THEMIS: variants seen among roughly 807,000 people sequenced by gnomAD.
The protein encoded by THEMIS is thymocyte selection associated.
A neutral mutation model predicts 52.6 loss-of-function variants in THEMIS; 37 were observed. The observed-to-expected ratio is 0.70, with a 90% CI of 0.54 to 0.93. The LOEUF (loss-of-function observed/expected upper bound fraction) is 0.93, where lower values mean the gene tolerates loss of function less well. Among genes scored for constraint, THEMIS ranks in the 40% least tolerant of loss-of-function variants. The pLI is 0.00. For synonymous variants in THEMIS, 292 were observed against 272.7 expected, an observed-to-expected ratio of 1.07 and a Z score of -0.70; for missense variants, 808 against 763.1, an observed-to-expected ratio of 1.06 and a Z score of -0.69.
At chr6:127,774,475 G>C (rs909661405) in intron 4 of THEMIS, among the ~76,000 whole-genome samples, 4 of 152,228 alleles carry the variant, frequency 2.6e-5, no homozygotes, top group African/African-American at 9.6e-5. Context: ...AAAGTGCTGG[G>C]ATTACAGGCG....
chr6:127,853,599 C>T lies in THEMIS; in HGVS notation c.250+1431G>A, dbSNP rs902178134. ...TGAAAAAATCCTCACTTCAATATAG[C>T]TAATATATTTTCATTCTTCCAACCT... On this transcript the variant is annotated intron_variant, in intron 2 of 5. Transcript: ENST00000368248. Among the ~76,000 whole-genome samples the T allele has an allele frequency of 2.0e-5, 3 of 151,690 alleles. No individual in the cohort carries two copies. The East Asian group carries it at 5.8e-4, about 30-fold the overall frequency.
chr6:127,803,800 G>A (rs183039526), intron 4 of THEMIS, among the ~76,000 whole-genome samples: 19 of 152,246 alleles, frequency 1.2e-4, no homozygotes, highest in African/African-American at 4.1e-4. Flanking sequence ...ATAGCATGTC[G>A]GTAGGAAGGC....
intron 1 of THEMIS, among the ~76,000 whole-genome samples, chr6:127,887,953 A>G (rs1780695275): frequency 6.6e-6 from 1 of 152,126 alleles, no homozygotes; most frequent in South Asian, 2.1e-4. Context: ...GTACAGAGGA[A>G]AATGAAGACC....
In THEMIS at chr6:127,853,041, C is replaced by T. The variant is rs1281930563; in HGVS notation, c.250+1989G>A. Among the ~76,000 whole-genome samples, 6 of 151,514 alleles carry T rather than the reference C, an allele frequency of 4.0e-5. No homozygotes were observed. In the East Asian group the frequency reaches 1.2e-3, roughly 29 times the overall value. ...ATTCTAATAAGAAAAATTCCTTCTACCAAAGATTCTAGTCATTTTAACTTA... is the reference window on the plus strand; with the variant it reads ...ATTCTAATAAGAAAAATTCCTTCTATCAAAGATTCTAGTCATTTTAACTTA... On this transcript the variant is annotated intron_variant, in intron 2 of 5. Transcript: ENST00000368248.
intron 4 of THEMIS, among the ~76,000 whole-genome samples, chr6:127,734,053 A>G (rs953053505): frequency 1.3e-5 from 2 of 152,214 alleles, no homozygotes; most frequent in Non-Finnish European, 2.9e-5. Context: ...AATCTGCAAC[A>G]TTCATGCTGT....
At chr6:127,766,492 C>T (rs1776203918) in intron 4 of THEMIS, among the ~76,000 whole-genome samples, 1 of 152,006 alleles carries the variant, frequency 6.6e-6, no homozygotes, top group African/African-American at 2.4e-5. Context: ...TCACTTAAGT[C>T]ACACATCACT....
chr6:127,740,960 C>T (rs1325103826), intron 4 of THEMIS, among the ~76,000 whole-genome samples: 1 of 152,168 alleles, frequency 6.6e-6, no homozygotes, highest in Admixed American at 6.6e-5. Flanking sequence ...CTCTTACCCT[C>T]CATCATACAC....
At chr6:127,882,771 G>T (rs1780525045) in intron 1 of THEMIS, among the ~76,000 whole-genome samples, 1 of 151,840 alleles carries the variant, frequency 6.6e-6, no homozygotes, top group Admixed American at 6.6e-5. Context: ...TTTAAAACCT[G>T]TGAAATATGA....
intron 4 of THEMIS, among the ~76,000 whole-genome samples, chr6:127,782,197 C>T (rs1776768048): frequency 6.6e-6 from 1 of 152,122 alleles, no homozygotes; most frequent in South Asian, 2.1e-4. Context: ...GTGCTGGTAG[C>T]GAGAATTTCA....
chr6:127,756,473 CA>C (rs1445286497), intron 4 of THEMIS, among the ~76,000 whole-genome samples: 1 of 152,088 alleles, frequency 6.6e-6, no homozygotes, highest in African/African-American at 2.4e-5. Context: ...TGAAAACGAT[CA>C]ATGTAAAAAA....
intron 1 of THEMIS, among the ~76,000 whole-genome samples, chr6:127,861,459 A>C (rs1779792896): frequency 6.6e-6 from 1 of 152,044 alleles, no homozygotes; most frequent in Non-Finnish European, 1.5e-5. Flanking sequence ...ACACTCCATT[A>C]GCTATTCTGC....
intron 2 of THEMIS, among the ~76,000 whole-genome samples, chr6:127,846,777 T>C (rs1288575134): frequency 6.6e-6 from 1 of 151,630 alleles, no homozygotes; most frequent in Non-Finnish European, 1.5e-5. Flanking sequence ...GAATCCTCCC[T>C]AAACATTCTA....
upstream of THEMIS, among the ~76,000 whole-genome samples, chr6:127,902,436 A>C (rs1426846161): frequency 6.6e-6 from 1 of 152,000 alleles, no homozygotes; most frequent in Non-Finnish European, 1.5e-5. Flanking sequence ...TTATCTATTA[A>C]CTGTTTTGGC....
At chr6:127,810,777 C>T (rs1465557950) in intron 4 of THEMIS, among the ~76,000 whole-genome samples, 1 of 151,782 alleles carries the variant, frequency 6.6e-6, no homozygotes. Context: ...AATCAAGGCC[C>T]TTTCATTTTT....
At chr6:127,723,727 T>G (rs1399035785) in intron 4 of THEMIS, among the ~76,000 whole-genome samples, 1 of 152,004 alleles carries the variant, frequency 6.6e-6, no homozygotes, top group South Asian at 2.1e-4. Context: ...CCCCTTAATA[T>G]TAAGAAGTCC....
At position 127,785,568 on chromosome 6, in the gene THEMIS, G is replaced by C. The variant is rs1020152017; in HGVS notation, c.1758+27315C>G. On this transcript the variant is annotated intron_variant, in intron 4 of 5. Transcript: ENST00000368248. ...TATTTATCTTCTTTAGATCTTATTT[G>C]GTTTAATCTTTACCATATAAAAGGA... Among the ~76,000 whole-genome samples the C allele has an allele frequency of 5.3e-5, 8 of 151,022 alleles. No homozygotes were observed. In the South Asian group the frequency reaches 1.5e-3, roughly 28 times the overall value.
At chr6:127,826,523 G>T (rs1456460667) in intron 3 of THEMIS, among the ~76,000 whole-genome samples, 1 of 151,968 alleles carries the variant, frequency 6.6e-6, no homozygotes, top group Non-Finnish European at 1.5e-5. Context: ...GAGGCATTGA[G>T]ATTTTTTCAA....
At chr6:127,862,428 A>ATTTTTTTTTTTTTTT (rs71028110) in intron 1 of THEMIS, among the ~76,000 whole-genome samples, 5,229 of 72,428 alleles carry the variant, frequency 0.072, 875 homozygotes, top group Non-Finnish European at 0.11. Context: ...TAGGGAGTAA[A>ATTTTTTTTTTTTTTT]TTTTTTTTTT....
chr6:127,918,324 C>T (rs1330922758), intron 1 of THEMIS: 1 of 152,134 alleles, frequency 6.6e-6, no homozygotes, highest in African/African-American at 2.4e-5. Flanking sequence ...GTCTTTATAA[C>T]TGACCATTTA....
Sources: gnomAD v4.1 joint callset for allele counts (sites outside exome capture counted in the v4.1 genomes callset) on GRCh38, gnomAD v4.1.1 for gene constraint, MANE v1.5 for transcripts, NCBI Gene and HGNC (gene_info 2026-07-23, HGNC 2026-07-21) for gene names.